The following AGPAT3 variants were observed in gnomAD, a reference collection of about 807,000 sequenced individuals.
AGPAT3 encodes the protein 1-acyl-sn-glycerol-3-phosphate acyltransferase gamma.
A neutral mutation model predicts 47.3 loss-of-function variants in AGPAT3; 5 were observed. The observed-to-expected ratio is 0.11, with a 90% confidence interval of 0.06 to 0.22. The LOEUF is 0.22. Ranked by LOEUF, AGPAT3 falls within the 10% of genes least tolerant of loss-of-function variation. The probability of loss-of-function intolerance (pLI) is 1.00; values close to 1 mark genes in which losing one functional copy is unlikely to be tolerated. For synonymous variants in AGPAT3, 212 were observed against 208.3 expected, an observed-to-expected ratio of 1.02 and a Z score of -0.15; for missense variants, 315 against 493.0, an observed-to-expected ratio of 0.64 and a Z score of 3.42.
intron 3 of AGPAT3, chr21:43,960,567 G>T (rs2088782866): frequency 5.9e-6 from 1 of 170,074 alleles, no homozygotes; most frequent in South Asian, 1.9e-4. Context: ...ATGTGCAAAA[G>T]TATGCAACTG....
intron 1 of AGPAT3, among the ~76,000 whole-genome samples, chr21:43,870,466 C>T (rs1171842092): frequency 5.9e-5 from 9 of 151,800 alleles, no homozygotes; most frequent in Admixed American, 5.9e-4. Context: ...AATGCCAGCA[C>T]TTTGGGAGGC....
At chr21:43,902,162 A>G (rs1056167737) in intron 1 of AGPAT3, among the ~76,000 whole-genome samples, 2 of 152,216 alleles carry the variant, frequency 1.3e-5, no homozygotes, top group Non-Finnish European at 2.9e-5. Context: ...GGCAAATGCT[A>G]TCACATACAG....
chr21:43,924,694 C>T (rs527947952), intron 2 of AGPAT3, among the ~76,000 whole-genome samples: 3 of 152,340 alleles, frequency 2.0e-5, no homozygotes, highest in East Asian at 3.9e-4. Context: ...CTGCCTTGCC[C>T]CGGCTGTTTC....
chr21:43,977,597 G>C (rs977255496), intron 7 of AGPAT3, among the ~76,000 whole-genome samples: 5 of 152,224 alleles, frequency 3.3e-5, no homozygotes, highest in Non-Finnish European at 7.3e-5. Context: ...AGAGTGAGAG[G>C]CTGGGCGCAG....
chr21:43,885,672 C>T (rs954125701), intron 1 of AGPAT3, among the ~76,000 whole-genome samples: 1 of 152,192 alleles, frequency 6.6e-6, no homozygotes, highest in Non-Finnish European at 1.5e-5. Flanking sequence ...GCATAAGCCA[C>T]CGTGCCCAGT....
chr21:43,884,745 C>T (rs1221996701), intron 1 of AGPAT3, among the ~76,000 whole-genome samples: 1 of 151,324 alleles, frequency 6.6e-6, no homozygotes, highest in Middle Eastern at 3.2e-3. Context: ...TGCTGGGTGG[C>T]CTGGTGCTGG....
chr21:43,969,759 G>A (rs577463394), intron 5 of AGPAT3, among the ~76,000 whole-genome samples: 2 of 151,946 alleles, frequency 1.3e-5, no homozygotes, highest in East Asian at 1.9e-4. Flanking sequence ...GTGCAGTGGT[G>A]CAATCTCGGG....
At chr21:43,905,102 C>G (rs976041765) in intron 2 of AGPAT3, among the ~76,000 whole-genome samples, 1 of 151,846 alleles carries the variant, frequency 6.6e-6, no homozygotes, top group Non-Finnish European at 1.5e-5. Context: ...CTGAATGCCT[C>G]CATAGTTTTC....
intron 3 of AGPAT3, 175 bp from the exon 4 acceptor site, chr21:43,967,771 C>A: frequency 1.5e-6 from 1 of 647,022 alleles, no homozygotes; most frequent in Non-Finnish European, 2.6e-6. Context: ...CCAACTGTTG[C>A]TTAGAGAAAG....
In AGPAT3 at chr21:43,969,264, C is replaced by T. The variant is rs2089291176; in HGVS notation, c.495C>T (p.Tyr165=). The change falls in exon 5 of 10, where the codon TAC becomes TAT. Residue 165 remains tyrosine (Y), a synonymous_variant. Coordinates refer to ENST00000291572, the MANE Select transcript of AGPAT3 (RefSeq NM_020132.5). The part of the protein sequence containing the change: ...VVEGLRRLSD[Y]PEYMWFLLYC... ...AAGGGCTGAGGCGCCTGTCGGACTA[C>T]CCCGAGTACATGTGGGTGAGTGCGC... 6.2e-7 allele frequency: 1 copy of T among 1,614,236 alleles called. No individual in the cohort carries two copies. Among genetic ancestry groups the T allele is most frequent in the South Asian group, 1.1e-5 (1 of 91,090 alleles).
At chr21:43,935,671 T>C (rs2087421808) in intron 2 of AGPAT3, among the ~76,000 whole-genome samples, 1 of 152,098 alleles carries the variant, frequency 6.6e-6, no homozygotes, top group African/African-American at 2.4e-5. Context: ...GGGAGTCTGT[T>C]ATTCAGACAT....
chr21:43,945,355 A>C (rs1258999050), intron 2 of AGPAT3, among the ~76,000 whole-genome samples: 1 of 152,220 alleles, frequency 6.6e-6, no homozygotes, highest in Non-Finnish European at 1.5e-5. Context: ...ATTCGGCTGA[A>C]CTGTGCACAT....
At chr21:43,953,888 C>T (rs762763894) in intron 2 of AGPAT3, among the ~76,000 whole-genome samples, 1 of 152,214 alleles carries the variant, frequency 6.6e-6, no homozygotes, top group East Asian at 1.9e-4. Flanking sequence ...AATCCCAGCA[C>T]TCTGGGAGGC....
At chr21:43,926,867 AGGAGAATTGCTTGAACCC>A (rs1181692850) in intron 2 of AGPAT3, among the ~76,000 whole-genome samples, 5 of 150,466 alleles carry the variant, frequency 3.3e-5, no homozygotes, top group South Asian at 4.2e-4. Context: ...AGGCTGAGGC[AGGAGAATTGCTTGAACCC>A]GGAGAATTGC....
intron 1 of AGPAT3, among the ~76,000 whole-genome samples, chr21:43,889,267 A>G (rs1344927479): frequency 6.7e-6 from 1 of 149,966 alleles, no homozygotes; most frequent in Non-Finnish European, 1.5e-5. Flanking sequence ...TACACTGCTA[A>G]GTGAAGTGGT....
At chr21:43,917,164 G>GCACCCC (rs2086749673) in intron 2 of AGPAT3, among the ~76,000 whole-genome samples, 1 of 151,514 alleles carries the variant, frequency 6.6e-6, no homozygotes, top group Non-Finnish European at 1.5e-5. Flanking sequence ...CACACGGTAA[G>GCACCCC]CACCCCCGCC....
chr21:43,967,875 C>G, intron 3 of AGPAT3, 71 bp from the exon 4 acceptor site: 2 of 1,509,344 alleles, frequency 1.3e-6, no homozygotes, highest in Non-Finnish European at 1.8e-6. Context: ...GTAGGTGTCT[C>G]CTGTGGGCGC....
In AGPAT3 at chr21:43,930,089, C is replaced by A. The variant is rs924347186; in HGVS notation, c.-49+26070C>A. 6.6e-6 allele frequency among the ~76,000 whole-genome samples: 1 copy of A among 152,200 alleles called. No homozygotes were observed. Among genetic ancestry groups the A allele is most frequent in the African/African-American group, 2.4e-5 (1 of 41,458 alleles). ...TGTACATCATCCAGCCCCGTTTTCA[C>A]GTTCAGGAAGTCACGAATCCACAGT... On this transcript the variant is annotated intron_variant, in intron 2 of 9. Coordinates refer to ENST00000291572, the MANE Select transcript of AGPAT3 (RefSeq NM_020132.5). This position sits in a 1 kb window ranked among gnomAD's most constrained non-coding sequence, Gnocchi z 5.0.
chr21:43,883,034 T>C (rs2085888932), intron 1 of AGPAT3, among the ~76,000 whole-genome samples: 1 of 152,262 alleles, frequency 6.6e-6, no homozygotes, highest in South Asian at 2.1e-4. Flanking sequence ...CTCCTTTATT[T>C]GTGAATTATC....
Sources: gnomAD v4.1 joint callset for allele counts (sites outside exome capture counted in the v4.1 genomes callset) on GRCh38, gnomAD v4.1.1 for gene constraint, Gnocchi (gnomAD v3.1) non-coding constraint, MANE v1.5 for transcripts, NCBI Gene and HGNC (gene_info 2026-07-23, HGNC 2026-07-21) for gene names.